The following GNAO1 variants were observed in gnomAD, a reference collection of about 807,000 sequenced individuals.
The protein encoded by GNAO1 is guanine nucleotide-binding protein G(o) subunit alpha.
For missense variants in GNAO1, 166 were observed against 478.7 expected, an observed-to-expected ratio of 0.35 and a Z score of 6.10; for synonymous variants, 164 against 180.7, an observed-to-expected ratio of 0.91 and a Z score of 0.74.
At chr16:56,316,530 C>G (rs1192228192) in intron 3 of GNAO1, among the ~76,000 whole-genome samples, 1 of 152,188 alleles carries the variant, frequency 6.6e-6, no homozygotes, top group Non-Finnish European at 1.5e-5. Flanking sequence ...TCTGGTGCCT[C>G]CAGGACCCAC....
At chr16:56,219,639 G>A (rs2036466395) in intron 2 of GNAO1, among the ~76,000 whole-genome samples, 1 of 152,190 alleles carries the variant, frequency 6.6e-6, no homozygotes, top group South Asian at 2.1e-4. Flanking sequence ...TTCTTAAGGT[G>A]TACAGCAAAC....
intron 2 of GNAO1, among the ~76,000 whole-genome samples, chr16:56,208,179 A>G (rs1331325019): frequency 1.3e-5 from 2 of 152,164 alleles, no homozygotes; most frequent in East Asian, 1.9e-4. Context: ...GTTGATTTTC[A>G]TTGCTATATA....
chr16:56,290,228 T>A (rs1316526527), intron 3 of GNAO1, among the ~76,000 whole-genome samples: 1 of 152,174 alleles, frequency 6.6e-6, no homozygotes, highest in Non-Finnish European at 1.5e-5. Flanking sequence ...AGGCTGGGCC[T>A]CTTGTCCTGA....
At chr16:56,239,449 GA>G (rs1422938395) in intron 2 of GNAO1, among the ~76,000 whole-genome samples, 3 of 152,100 alleles carry the variant, frequency 2.0e-5, no homozygotes, top group Non-Finnish European at 2.9e-5. Context: ...CCTGCAGTTG[GA>G]AAAAACCTTC....
chr16:56,347,756 T>TGCCGGGG, intron 6 of GNAO1: 1 of 918,328 alleles, frequency 1.1e-6, no homozygotes, highest in Non-Finnish European at 1.3e-6. Context: ...GTCCTCCCCT[T>TGCCGGGG]CCCTCCCCAC....
chr16:56,336,472 A>G (rs2037741082), intron 5 of GNAO1: 1 of 388,406 alleles, frequency 2.6e-6, no homozygotes, highest in East Asian at 4.9e-5. Flanking sequence ...AATGCTCCTC[A>G]GATGCAAGGG....
intron 2 of GNAO1, among the ~76,000 whole-genome samples, chr16:56,201,733 T>C (rs2036283594): frequency 6.6e-6 from 1 of 152,194 alleles, no homozygotes; most frequent in South Asian, 2.1e-4. Flanking sequence ...GAGGAGGAGA[T>C]AAATTTTAAT....
chr16:56,274,125 G>A (rs1407893183), intron 2 of GNAO1, among the ~76,000 whole-genome samples: 4 of 152,146 alleles, frequency 2.6e-5, no homozygotes, highest in South Asian at 2.1e-4. Context: ...TTCTGCCTGG[G>A]TTCCCTCCTG....
intron 6 of GNAO1, among the ~76,000 whole-genome samples, chr16:56,338,692 C>T (rs1174593307): frequency 1.3e-5 from 2 of 152,242 alleles, no homozygotes; most frequent in African/African-American, 4.8e-5. Flanking sequence ...CCCAGGCCCA[C>T]CGGCCATGGG....
At chr16:56,324,341 C>G (rs2037608362) in intron 3 of GNAO1, among the ~76,000 whole-genome samples, 1 of 152,196 alleles carries the variant, frequency 6.6e-6, no homozygotes, top group Non-Finnish European at 1.5e-5. Flanking sequence ...GGTCTTGCCT[C>G]GCAGGCGTCC....
chr16:56,345,572 C>T (rs1434553796), intron 6 of GNAO1: 1 of 985,518 alleles, frequency 1.0e-6, no homozygotes, highest in African/African-American at 1.7e-5. Context: ...GCCTGGGGAG[C>T]CTCTGGCAGC....
intron 3 of GNAO1, among the ~76,000 whole-genome samples, chr16:56,313,496 T>C (rs757087172): frequency 2.6e-5 from 4 of 152,212 alleles, no homozygotes; most frequent in Non-Finnish European, 4.4e-5. Flanking sequence ...TTTTTGCAAA[T>C]GTCTTTCATG....
chr16:56,221,366 G>T (rs2036485954), intron 2 of GNAO1, among the ~76,000 whole-genome samples: 1 of 151,944 alleles, frequency 6.6e-6, no homozygotes, highest in Non-Finnish European at 1.5e-5. Context: ...AAGAAGTCAT[G>T]GGGCCAGGTG....
chr16:56,294,085 C>A (rs536786439), intron 3 of GNAO1, among the ~76,000 whole-genome samples: 1 of 152,260 alleles, frequency 6.6e-6, no homozygotes, highest in African/African-American at 2.4e-5. Context: ...GTCGCTTGCC[C>A]AACTGGCAGC....
chr16:56,211,691 C>T (rs1260046910), intron 2 of GNAO1, among the ~76,000 whole-genome samples: 3 of 152,150 alleles, frequency 2.0e-5, no homozygotes, highest in African/African-American at 7.2e-5. Flanking sequence ...CTTGAAAATG[C>T]GGTTGAGGTT....
At chr16:56,339,311 A>G (rs1418608633) in intron 6 of GNAO1, among the ~76,000 whole-genome samples, 4 of 152,142 alleles carry the variant, frequency 2.6e-5, no homozygotes, top group Non-Finnish European at 5.9e-5. Context: ...TCCTCTGTAG[A>G]TGGTGACAAT....
At position 56,311,760 on chromosome 16, in the gene GNAO1, C is replaced by T. The variant is rs1480036241; in HGVS notation, c.304-16871C>T. Among the ~76,000 whole-genome samples, 2 of 152,098 alleles carry T rather than the reference C, an allele frequency of 1.3e-5. No homozygotes were observed. The highest frequency in any genetic ancestry group is 4.8e-5 in the African/African-American group (2 of 41,412). On this transcript the variant is annotated intron_variant, in intron 3 of 8. Transcript: ENST00000262493. The surrounding 1 kb of genome is among the most constrained non-coding windows in gnomAD (Gnocchi z 5.2). ...CCAGCCCTGGCTCCACTGGGCTGTC[C>T]ACCTCCTGCCCCGCCCAGCACGGCC...
At chr16:56,196,908 C>G (rs2036238282) in intron 2 of GNAO1, among the ~76,000 whole-genome samples, 1 of 152,122 alleles carries the variant, frequency 6.6e-6, no homozygotes, top group East Asian at 1.9e-4. Flanking sequence ...GAGAACAGAC[C>G]CTACCCTGTC....
At position 56,311,956 on chromosome 16, in the gene GNAO1, G is replaced by A. The variant is rs2037463041; in HGVS notation, c.304-16675G>A. Among the ~76,000 whole-genome samples the A allele has an allele frequency of 6.6e-6, 1 of 152,180 alleles. No homozygotes were observed. The highest frequency in any genetic ancestry group is 1.5e-5 in the Non-Finnish European group (1 of 68,040). On this transcript the variant is annotated intron_variant, in intron 3 of 8. Transcript: ENST00000262493. This position sits in a 1 kb window ranked among gnomAD's most constrained non-coding sequence, Gnocchi z 5.2. ...TCAACACGGTAATGCCGGTTCCCCT[G>A]GGTGGGCACCAGCCAAGCCCTCTGG...
Sources: gnomAD v4.1 joint callset for allele counts (sites outside exome capture counted in the v4.1 genomes callset) on GRCh38, gnomAD v4.1.1 for gene constraint, Gnocchi (gnomAD v3.1) non-coding constraint, MANE v1.5 for transcripts, NCBI Gene and HGNC (gene_info 2026-07-23, HGNC 2026-07-21) for gene names.